Variants in MCTP2 observed in about 807,000 individuals in gnomAD.
MCTP2 encodes the protein multiple C2 and transmembrane domain-containing protein 2.
MCTP2 carries 132 observed loss-of-function variants against 111.6 expected under a neutral mutation model. That is an observed-to-expected ratio of 1.18 (90% CI 1.03 to 1.37). The LOEUF is 1.37. Ranked by LOEUF, MCTP2 falls within the 40% of genes most tolerant of loss-of-function variation. The pLI is 0.00. For missense variants in MCTP2, 1,183 were observed against 1,067.9 expected (o/e 1.11, Z -1.50); for synonymous variants, 395 against 387.7 (o/e 1.02, Z -0.22).
chr15:94,423,750 T>C (rs1182726749), intron 17 of MCTP2, among the ~76,000 whole-genome samples: 1 of 152,174 alleles, frequency 6.6e-6, no homozygotes, highest in Non-Finnish European at 1.5e-5. Context: ...TCATGGCTTT[T>C]GAAAGCATTC....
At position 94,482,656 on chromosome 15, in the gene MCTP2, CAAGTT is replaced by C. The variant is rs2074784555; in HGVS notation, c.*3625_*3629del. 1 of 152,148 alleles carries C rather than the reference CAAGTT, an allele frequency of 6.6e-6. No individual in the cohort carries two copies. The highest frequency in any genetic ancestry group is 2.4e-5 in the African/African-American group (1 of 41,432). The allele number at this position is 152,148 out of a possible 1,614,324, so 9.4% of individuals were successfully genotyped here. On this transcript the variant is annotated 3_prime_UTR_variant, in exon 23 of 23. Transcript: ENST00000357742. ...TAACACACTGTACTTGAGATGTACA[CAAGTT>C]AAAGGCAAACATTGTATATGAAAAG...
intron 19 of MCTP2, among the ~76,000 whole-genome samples, chr15:94,450,626 ATATTCT>A (rs1290706207): frequency 5.9e-5 from 9 of 152,220 alleles, no homozygotes; most frequent in East Asian, 5.8e-4. Flanking sequence ...CAGACCAAAC[ATATTCT>A]TATTTAAAGT....
At chr15:94,348,386 G>A (rs1211620440) in intron 8 of MCTP2, among the ~76,000 whole-genome samples, 13 of 90,436 alleles carry the variant, frequency 1.4e-4, no homozygotes, top group Middle Eastern at 6.0e-3. Context: ...CTCCCTCTCC[G>A]TTCCCCCTTC....
chr15:94,243,976 TAC>T (rs1418726266), intron 1 of MCTP2, among the ~76,000 whole-genome samples: 2 of 147,600 alleles, frequency 1.4e-5, no homozygotes, highest in Admixed American at 6.7e-5. Context: ...CACATATGTA[TAC>T]ACATACATAT....
chr15:94,461,374 C>A (rs535663222), intron 20 of MCTP2, among the ~76,000 whole-genome samples: 2 of 152,242 alleles, frequency 1.3e-5, no homozygotes, highest in East Asian at 3.9e-4. Context: ...GCAGGAGAAT[C>A]GCTTGAACCT....
intron 17 of MCTP2, among the ~76,000 whole-genome samples, chr15:94,410,070 A>G (rs2082087236): frequency 6.6e-6 from 1 of 152,176 alleles, no homozygotes; most frequent in African/African-American, 2.4e-5. Context: ...TTGGGAATTA[A>G]ATTAGGTCAT....
intron 17 of MCTP2, among the ~76,000 whole-genome samples, chr15:94,414,079 G>A (rs1289815438): frequency 6.6e-6 from 1 of 152,174 alleles, no homozygotes; most frequent in Non-Finnish European, 1.5e-5. Flanking sequence ...CTAAGAAAAT[G>A]TAATTATTTT....
chr15:94,271,793 CAT>C (rs2073919673), intron 1 of MCTP2, among the ~76,000 whole-genome samples: 3 of 152,068 alleles, frequency 2.0e-5, no homozygotes, highest in Non-Finnish European at 4.4e-5. Flanking sequence ...ATTTGTGAAA[CAT>C]ATTCTTTTTC....
chr15:94,439,121 C>G (rs1053724255), intron 17 of MCTP2, among the ~76,000 whole-genome samples: 14 of 151,922 alleles, frequency 9.2e-5, no homozygotes, highest in East Asian at 1.9e-4. Context: ...TAAATAATGA[C>G]AAGTTTGAAA....
intron 2 of MCTP2, among the ~76,000 whole-genome samples, chr15:94,299,836 C>G (rs28648644): frequency 4.0e-4 from 61 of 152,296 alleles, no homozygotes; most frequent in African/African-American, 1.3e-3. Flanking sequence ...GGGAAGGGAT[C>G]ATGGATGTTT....
intron 1 of MCTP2, among the ~76,000 whole-genome samples, chr15:94,269,745 A>C (rs2073806442): frequency 6.6e-6 from 1 of 152,156 alleles, no homozygotes; most frequent in Non-Finnish European, 1.5e-5. Context: ...TATATTCCCG[A>C]GTTCACAGAA....
rs375821657 is a variant in MCTP2, at chr15:94,358,603, G to A, written c.1292G>A (p.Arg431His). The change falls in exon 10 of 23, where the codon CGT becomes CAT. Residue 431 changes from arginine (R) to histidine (H), a missense_variant. Physicochemically the swap from Arg to His is conservative, Grantham distance 29. Coordinates refer to ENST00000357742, the MANE Select transcript of MCTP2 (RefSeq NM_001385001.1). The part of the protein sequence containing the change: ...WGKDNKKHEE[R>H]LGTCKVDISA... ...AAGGACAACAAAAAGCATGAGGAAC[G>A]TCTGGGCACGTGAGTCCCCTCTGCT... The A allele has an allele frequency of 3.1e-5, 50 of 1,613,378 alleles. No individual in the cohort carries two copies. Among genetic ancestry groups the A allele is most frequent in the Admixed American group, 6.7e-5 (4 of 59,960 alleles).
chr15:94,324,913 G>A (rs1372183983), intron 4 of MCTP2, among the ~76,000 whole-genome samples: 1 of 152,076 alleles, frequency 6.6e-6, no homozygotes, highest in Non-Finnish European at 1.5e-5. Context: ...TATTTAGCAG[G>A]CTAATTTTTA....
chr15:94,383,134 G>A (rs1481530147), intron 12 of MCTP2, among the ~76,000 whole-genome samples: 2 of 152,108 alleles, frequency 1.3e-5, no homozygotes, highest in South Asian at 2.1e-4. Flanking sequence ...AATGTAGCTC[G>A]TGTATTCTCA....
chr15:94,311,358 G>T (rs2076132782), intron 2 of MCTP2, among the ~76,000 whole-genome samples: 1 of 151,928 alleles, frequency 6.6e-6, no homozygotes, highest in South Asian at 2.1e-4. Flanking sequence ...TCGTAATATT[G>T]GTATTCTGGG....
rs112765848 is a variant in MCTP2, at chr15:94,416,879, C to T, written c.2085+14860C>T. On this transcript the variant is annotated intron_variant, in intron 17 of 22. Coordinates refer to ENST00000357742, the MANE Select transcript of MCTP2 (RefSeq NM_001385001.1). ...TCCCCTTCCTCGTCTTTGTCATCTC[C>T]TTCTCCCTCCCATTTCTACCACTAC... Among the ~76,000 whole-genome samples the T allele has an allele frequency of 7.7e-3, 1,165 of 152,278 alleles. 16 individuals are homozygous for T. Among genetic ancestry groups the T allele is most frequent in the African/African-American group, 0.027 (1,110 of 41,552 alleles).
At chr15:94,367,064 G>T (rs888401458) in intron 10 of MCTP2, among the ~76,000 whole-genome samples, 1 of 152,180 alleles carries the variant, frequency 6.6e-6, no homozygotes, top group Non-Finnish European at 1.5e-5. Context: ...CTGTGGCACT[G>T]TGCCTATTAG....
chr15:94,478,783 T>C (rs2074569572), intron 22 of MCTP2, among the ~76,000 whole-genome samples, 183 bp from the exon 23 acceptor site: 1 of 152,206 alleles, frequency 6.6e-6, no homozygotes, highest in Non-Finnish European at 1.5e-5. Context: ...TTTCAAGAAA[T>C]GATGCATGAC....
At chr15:94,443,802 A>C (rs144010446) in intron 19 of MCTP2, among the ~76,000 whole-genome samples, 137 of 152,206 alleles carry the variant, frequency 9.0e-4, no homozygotes, top group Non-Finnish European at 1.5e-3. Context: ...ATTAATAGCA[A>C]AATAATAAAA....
Sources: gnomAD v4.1 joint callset for allele counts (sites outside exome capture counted in the v4.1 genomes callset) on GRCh38, gnomAD v4.1.1 for gene constraint, MANE v1.5 for transcripts, NCBI Gene and HGNC (gene_info 2026-07-23, HGNC 2026-07-21) for gene names.